The following CAPN10 variants were observed in gnomAD, a reference collection of about 807,000 sequenced individuals.
CAPN10 encodes calpain-10.
In CAPN10, 71 loss-of-function variants were observed where a neutral mutation model predicts 78.4. The observed-to-expected ratio is 0.91, with a 90% CI of 0.75 to 1.10. The LOEUF (loss-of-function observed/expected upper bound fraction) is 1.10, where lower values mean the gene tolerates loss of function less well. CAPN10 is among the 50% of genes least tolerant of loss of function. The pLI is 0.00. For synonymous variants in CAPN10, 437 were observed against 407.2 expected (o/e 1.07, Z -0.88); for missense variants, 849 against 924.6 (o/e 0.92, Z 1.06).
rs779342230 is a variant in CAPN10 at position 240,591,964 on chromosome 2, G to A, written c.502G>A (p.Gly168Arg). The change falls in exon 4 of 12, where the codon GGG becomes AGG. Residue 168 changes from glycine to arginine, a missense_variant. By Grantham distance (125) the Gly-to-Arg change is moderately radical (BLOSUM62 -2). Coordinates refer to ENST00000391984, the MANE Select transcript of CAPN10 (RefSeq NM_023083.4). ...VHGSYEHLWA[G>R]QVADALVDLT... ...TGGGTCCTACGAGCACCTGTGGGCC[G>A]GGCAGGTGGCGGATGCCCTGGTGGA... 4.3e-6 allele frequency: 7 copies of A among 1,613,468 alleles called. No homozygotes were observed. Among genetic ancestry groups the A allele is most frequent in the Admixed American group, 1.7e-5 (1 of 60,018 alleles).
At chr2:240,597,746 C>T in intron 9 of CAPN10, 142 bp from the exon 10 acceptor site, 2 of 767,744 alleles carry the variant, frequency 2.6e-6, no homozygotes, top group Non-Finnish European at 4.1e-6. Flanking sequence ...GAGGCGAGTC[C>T]AGTGTCCAGG....
In CAPN10 at chr2:240,594,057, G is replaced by A. The variant is rs1174231303; in HGVS notation, c.830+10G>A. On this transcript the variant is annotated intron_variant, in intron 5 of 11. Coordinates refer to ENST00000391984, the MANE Select transcript of CAPN10 (RefSeq NM_023083.4). ...GGCTCTGGAGAGAGGGGTGAGTGCT[G>A]GGGCCTGGACCATGCTGCTGTCGGG... 6.3e-7 allele frequency: 1 copy of A among 1,586,634 alleles called. No individual in the cohort carries two copies. Among genetic ancestry groups the A allele is most frequent in the Non-Finnish European group, 8.6e-7 (1 of 1,163,526 alleles).
intron 7 of CAPN10, chr2:240,595,920 G>T (rs770779691): frequency 9.0e-6 from 12 of 1,332,686 alleles, no homozygotes; most frequent in Non-Finnish European, 1.2e-5. Context: ...TTTTCATCTT[G>T]TGTGTCTTGA....
chr2:240,598,756 G>C lies in CAPN10; in HGVS notation c.*76G>C. 1 of 1,372,898 alleles carries C rather than the reference G, an allele frequency of 7.3e-7. No homozygotes were observed. Among genetic ancestry groups the C allele is most frequent in the Non-Finnish European group, 1.0e-6 (1 of 984,914 alleles). 85.0% of individuals were successfully genotyped at this position (1,372,898 alleles called of 1,614,324 possible). A position where few individuals can be genotyped will look rare whatever the true frequency, so the allele number is the denominator to read the frequency against. Reference sequence around the variant, plus strand: ...AGGTTCCCAGCAGCTGGGCCGGCCAGCCTTGCACTGTGGGGGCTGGTCCTG... The same window carrying C: ...AGGTTCCCAGCAGCTGGGCCGGCCACCCTTGCACTGTGGGGGCTGGTCCTG... On this transcript the variant is annotated 3_prime_UTR_variant, in exon 12 of 12. Coordinates refer to ENST00000391984, the MANE Select transcript of CAPN10 (RefSeq NM_023083.4).
intron 4 of CAPN10, among the ~76,000 whole-genome samples, chr2:240,593,425 C>T (rs1458782576): frequency 6.6e-6 from 1 of 152,264 alleles, no homozygotes; most frequent in Non-Finnish European, 1.5e-5. Context: ...CTCAAGGTCT[C>T]TGGCCAGGTG....
chr2:240,596,278 C>A, intron 7 of CAPN10, 41 bp from the exon 8 acceptor site: 1 of 1,561,516 alleles, frequency 6.4e-7, no homozygotes, highest in Non-Finnish European at 8.7e-7. Context: ...CGTCTGACCC[C>A]GGCCGCTCCT....
chr2:240,589,747 A>AAT, intron 2 of CAPN10: 1 of 408,518 alleles, frequency 2.4e-6, no homozygotes, highest in Non-Finnish European at 4.4e-6. Flanking sequence ...CCATGGAGTC[A>AAT]GATCACCACG....
At chr2:240,589,201 A>G (rs2093085898) in intron 1 of CAPN10, 142 bp from the exon 2 acceptor site, 1 of 1,073,404 alleles carries the variant, frequency 9.3e-7, no homozygotes, top group Non-Finnish European at 1.4e-6. Context: ...GCTGCAGGAA[A>G]CCACCTTCCT....
intron 1 of CAPN10, among the ~76,000 whole-genome samples, chr2:240,588,947 G>GGGGAAGGTATATGATAGTTAGGGGGTGT (rs2125457035): frequency 6.6e-6 from 1 of 151,176 alleles, no homozygotes; most frequent in Non-Finnish European, 1.5e-5. Flanking sequence ...CGGGGAGAAA[G>GGGGAAGGTATATGATAGTTAGGGGGTGT]GGGAAGGTAT....
chr2:240,589,580 C>T lies in CAPN10; in HGVS notation c.273+106C>T, dbSNP rs1050748679. On this transcript the variant is annotated intron_variant, in intron 2 of 11. Coordinates refer to ENST00000391984, the MANE Select transcript of CAPN10 (RefSeq NM_023083.4). ...TGCGAAAGCAGAGCTGTGCCGCAGC[C>T]GGATCTCCTGCTGTGTTGGGGGAAG... The T allele has an allele frequency of 4.4e-6, 6 of 1,375,216 alleles. No homozygotes were observed. The Admixed American group carries it at 6.7e-5, about 15-fold the overall frequency. The allele number at this position is 1,375,216 out of a possible 1,614,324, so 85.2% of individuals were successfully genotyped here.
intron 1 of CAPN10, 146 bp from the exon 2 acceptor site, chr2:240,589,197 G>A: frequency 9.5e-7 from 1 of 1,047,900 alleles, no homozygotes; most frequent in Non-Finnish European, 1.5e-6. Context: ...ACCCGCTGCA[G>A]GAAACCACCT....
Position 240,596,406 on chromosome 2 carries a change from C to T in CAPN10, c.1366C>T (p.His456Tyr), listed in dbSNP as rs781679015. The T allele has an allele frequency of 6.2e-7, 1 of 1,613,592 alleles. No individual in the cohort carries two copies. Among genetic ancestry groups the T allele is most frequent in the South Asian group, 1.1e-5 (1 of 91,090 alleles). The change falls in exon 8 of 12, where the codon CAC (histidine) becomes TAC (tyrosine). Residue 456 changes from histidine (H) to tyrosine (Y), a missense_variant. Transcript: ENST00000391984. ...TACHAYDREV[H>Y]LRCELSPGYY... Reference sequence around the variant, plus strand: ...GTGCCATGCATACGACCGGGAGGTCCACCTGCGTTGTGAGCTCTCACCGGG... The same window carrying T: ...GTGCCATGCATACGACCGGGAGGTCTACCTGCGTTGTGAGCTCTCACCGGG...
chr2:240,598,352 G>T lies in CAPN10; in HGVS notation c.1944G>T (p.Arg648Ser). 6.2e-7 allele frequency: 1 copy of T among 1,613,776 alleles called. No individual in the cohort carries two copies. The highest frequency in any genetic ancestry group is 8.5e-7 in the Non-Finnish European group (1 of 1,179,964). The change falls in exon 11 of 12, where the codon AGG becomes AGT. Residue 648 changes from arginine (R) to serine (S), a missense_variant and splice_region_variant. Transcript: ENST00000391984. ...FTVTIATRID[R>S]PSIHSQEMLG... is the part of the protein sequence containing the mutation. The stretch of plus-strand genomic sequence containing the variant: ...GCGCTGATCTGGTGTCTCTCCACAG[G>T]CCATCCATTCACAGCCAGGAGATGC...
rs901448266 is a variant in CAPN10 at position 240,591,866 on chromosome 2, A to G, written c.471-67A>G. 36 of 1,433,068 alleles carry G rather than the reference A, an allele frequency of 2.5e-5. 1 individual carries two copies. Among genetic ancestry groups the G allele is most frequent in the Admixed American group, 5.8e-5 (3 of 52,132 alleles). 88.8% of individuals were successfully genotyped at this position (1,433,068 alleles called of 1,614,324 possible). ...TGGACGATTTGGGGTGCTACAGACC[A>G]TGGGAATCAGAGAGGGGGCCATGCT... On this transcript the variant is annotated intron_variant, in intron 3 of 11. Transcript: ENST00000391984.
At chr2:240,596,101 G>A in intron 7 of CAPN10, 1 of 1,536,360 alleles carries the variant, frequency 6.5e-7, no homozygotes, top group African/African-American at 1.4e-5. Context: ...GGACTTGCAG[G>A]CTCGTGTCTG....
At position 240,598,714 on chromosome 2, in the gene CAPN10, G is replaced by A. The variant is rs2093153436; in HGVS notation, c.*34G>A. The A allele has an allele frequency of 3.2e-6, 5 of 1,556,332 alleles. No individual in the cohort carries two copies. The South Asian group carries it at 5.9e-5, about 18-fold the overall frequency. On this transcript the variant is annotated 3_prime_UTR_variant, in exon 12 of 12. Transcript: ENST00000391984. ...CCCCCTGTGCCAGCTCAGGTGACTG[G>A]AGCCCGAGGGCCTGACAGGTTCCCA...
intron 5 of CAPN10, 140 bp from the exon 6 acceptor site, chr2:240,594,403 G>A: frequency 1.2e-6 from 1 of 827,632 alleles, no homozygotes; most frequent in Non-Finnish European, 1.9e-6. Context: ...GGTGTGGGAG[G>A]GGCTGCAGAG....
chr2:240,591,967 C>A lies in CAPN10; in HGVS notation c.505C>A (p.Gln169Lys). ...HGSYEHLWAG[Q>K]VADALVDLTG... ...GTCCTACGAGCACCTGTGGGCCGGG[C>A]AGGTGGCGGATGCCCTGGTGGACCT... Residue 169 changes from glutamine to lysine, a missense_variant, in exon 4 of 12, where the codon CAG (glutamine) becomes AAG (lysine). Transcript: ENST00000391984. 6.2e-7 allele frequency: 1 copy of A among 1,613,548 alleles called. No individual in the cohort carries two copies. Among genetic ancestry groups the A allele is most frequent in the Non-Finnish European group, 8.5e-7 (1 of 1,179,992 alleles).
In CAPN10 at chr2:240,595,304, G is replaced by A. The variant is rs2093129900; in HGVS notation, c.1278G>A (p.Lys426=). 1.2e-6 allele frequency: 2 copies of A among 1,612,408 alleles called. No homozygotes were observed. The highest frequency in any genetic ancestry group is 1.3e-5 in the African/African-American group (1 of 74,928). The stretch of plus-strand genomic sequence containing the variant: ...AGGCTGTGGGTCTGCACCTCTGGAA[G>A]GTAACTCAGCCCCGTCTGGCTCACG... ...HYQAVGLHLW[K]VEKRRVNLPR... Residue 426 remains lysine, a splice_region_variant and synonymous_variant, in exon 7 of 12, where the codon AAG becomes AAA. Coordinates refer to ENST00000391984, the MANE Select transcript of CAPN10 (RefSeq NM_023083.4).
Sources: allele counts gnomAD v4.1 joint callset (sites outside exome capture counted in the v4.1 genomes callset), GRCh38; gene constraint gnomAD v4.1.1; transcripts MANE v1.5; gene names NCBI Gene and HGNC (gene_info 2026-07-23, HGNC 2026-07-21).